The following ADAM17 variants were observed in gnomAD, a reference collection of about 807,000 sequenced individuals.
ADAM17 encodes the protein disintegrin and metalloproteinase domain-containing protein 17.
ADAM17 carries 39 observed loss-of-function variants against 96.7 expected under a neutral mutation model. The ratio of observed to expected loss-of-function variants is 0.40; its 90% confidence interval spans 0.31 to 0.53. ADAM17 has a LOEUF of 0.53. Ranked by LOEUF, ADAM17 falls within the 20% of genes least tolerant of loss-of-function variation. ADAM17 has a pLI of 0.44. For missense variants in ADAM17, 777 were observed against 1,013.2 expected (o/e 0.77, Z 3.17); for synonymous variants, 344 against 359.2 (o/e 0.96, Z 0.48).
chr2:9,494,498 A>T, intron 15 of ADAM17, 139 bp downstream of exon 15: 1 of 965,376 alleles, frequency 1.0e-6, no homozygotes, highest in South Asian at 1.7e-5. Flanking sequence ...CCTCCTAAGT[A>T]ATACCCGTAG....
At chr2:9,526,717 A>G (rs1664545360) in intron 5 of ADAM17, among the ~76,000 whole-genome samples, 1 of 152,126 alleles carries the variant, frequency 6.6e-6, no homozygotes, top group South Asian at 2.1e-4. Flanking sequence ...AATCACTTCA[A>G]CCCAGGGTGC....
intron 4 of ADAM17, 90 bp downstream of exon 4, chr2:9,535,744 G>A (rs1250906530): frequency 8.1e-6 from 6 of 742,900 alleles, no homozygotes; most frequent in Non-Finnish European, 1.3e-5. Flanking sequence ...AAAGAAATAA[G>A]TATAATTACT....
intron 17 of ADAM17, among the ~76,000 whole-genome samples, chr2:9,491,624 C>T (rs1289879701): frequency 1.2e-4 from 18 of 152,208 alleles, no homozygotes; most frequent in Non-Finnish European, 1.5e-5. Context: ...TTCTGTGGAC[C>T]ATGCTCTGCT....
chr2:9,549,856 CAAATTGCATTTTCCTAA>C (rs1319024230), intron 1 of ADAM17, among the ~76,000 whole-genome samples: 1 of 152,086 alleles, frequency 6.6e-6, no homozygotes, highest in Non-Finnish European at 1.5e-5. Flanking sequence ...ATTTTTTCAG[CAAATTGCATTTTCCTAA>C]AATACTACTT....
rs749950472 is a variant in ADAM17 at position 9,555,717 on chromosome 2, T to C, written c.-112A>G. The stretch of plus-strand genomic sequence containing the variant: ...GGATCCGCCCGGCCTAGCCCCTCAA[T>C]CCTCTTTTCCCTCCCGCGCCGCCTA... On this transcript the variant is annotated 5_prime_UTR_variant, in exon 1 of 19. Transcript: ENST00000310823. 5.7e-6 allele frequency: 5 copies of C among 881,880 alleles called. No individual in the cohort carries two copies. The highest frequency in any genetic ancestry group is 8.1e-6 in the Non-Finnish European group (5 of 614,154). The allele number at this position is 881,880 out of a possible 1,614,324, so 54.6% of individuals were successfully genotyped here. A position where few individuals can be genotyped will look rare whatever the true frequency, so the allele number is the denominator to read the frequency against.
chr2:9,498,382 G>A (rs1662774479), intron 13 of ADAM17, among the ~76,000 whole-genome samples: 1 of 152,152 alleles, frequency 6.6e-6, no homozygotes, highest in Non-Finnish European at 1.5e-5. Context: ...GGAGAGACAG[G>A]ATGGAATGAG....
At chr2:9,514,356 G>A (rs1359230165) in intron 10 of ADAM17, among the ~76,000 whole-genome samples, 5 of 96,906 alleles carry the variant, frequency 5.2e-5, no homozygotes, top group African/African-American at 1.6e-4. Flanking sequence ...GGTGCCTGTC[G>A]TGGGGTGGGG....
rs185785197 is a variant in ADAM17, at chr2:9,522,571, A to C, written c.843+678T>G. On this transcript the variant is annotated intron_variant, in intron 7 of 18. Transcript: ENST00000310823. ...ATTTTTAAAAATTTTTTCAACCTCT[A>C]AATTCTATACTATATAACTTATAAA... The C allele has an allele frequency of 2.5e-4, 118 of 464,040 alleles. 2 individuals are homozygous for C. Among genetic ancestry groups the C allele is most frequent in the African/African-American group, 2.0e-3 (102 of 51,618 alleles). The allele number at this position is 464,040 out of a possible 1,614,324, so 28.7% of individuals were successfully genotyped here.
chr2:9,514,491 T>C (rs1297267115), intron 10 of ADAM17, among the ~76,000 whole-genome samples: 2 of 133,710 alleles, frequency 1.5e-5, no homozygotes, highest in Non-Finnish European at 3.1e-5. Context: ...TGTGCACATG[T>C]ATCCTAGAAC....
At chr2:9,527,274 A>G (rs551539340) in intron 5 of ADAM17, among the ~76,000 whole-genome samples, 1 of 143,396 alleles carries the variant, frequency 7.0e-6, no homozygotes, top group Admixed American at 7.0e-5. Context: ...GTGAGCCGAG[A>G]TCGCGCTGCA....
chr2:9,525,965 A>G (rs540639932), intron 6 of ADAM17, 146 bp downstream of exon 6: 3 of 813,756 alleles, frequency 3.7e-6, no homozygotes, highest in South Asian at 3.0e-5. Context: ...ATTTCCATAC[A>G]GTAACATAAA....
intron 10 of ADAM17, 40 bp from the exon 11 acceptor site, chr2:9,510,171 C>T: frequency 1.9e-6 from 3 of 1,608,740 alleles, no homozygotes; most frequent in Non-Finnish European, 2.5e-6. Context: ...TCTCAATATC[C>T]AGCCATCACC....
chr2:9,533,460 T>C (rs1316842855), intron 4 of ADAM17, among the ~76,000 whole-genome samples: 2 of 152,050 alleles, frequency 1.3e-5, no homozygotes, highest in East Asian at 1.9e-4. Context: ...GGCAGGAGAA[T>C]GGCTTGAACC....
At chr2:9,528,747 C>T (rs1014299095) in intron 4 of ADAM17, among the ~76,000 whole-genome samples, 4 of 152,138 alleles carry the variant, frequency 2.6e-5, no homozygotes, top group Admixed American at 2.6e-4. Context: ...GGGAAAAAAA[C>T]CCCCACAATG....
intron 16 of ADAM17, 24 bp downstream of exon 16, chr2:9,493,723 A>T (rs981822482): frequency 1.3e-6 from 2 of 1,599,860 alleles, no homozygotes; most frequent in Non-Finnish European, 1.7e-6. Flanking sequence ...AGCTCTCAGT[A>T]AGTAATCTGG....
At chr2:9,553,941 A>T (rs565355211) in intron 1 of ADAM17, among the ~76,000 whole-genome samples, 14 of 152,030 alleles carry the variant, frequency 9.2e-5, no homozygotes, top group African/African-American at 3.4e-4. Context: ...ACATGCCTGT[A>T]ATCCCAGCTA....
At chr2:9,494,840 C>T (rs921950321) in intron 14 of ADAM17, 73 bp from the exon 15 acceptor site, 9 of 1,562,648 alleles carry the variant, frequency 5.8e-6, no homozygotes, top group African/African-American at 4.1e-5. Context: ...CTCTTTCCTC[C>T]CTGACCATGC....
At chr2:9,532,762 A>G (rs1664801408) in intron 4 of ADAM17, among the ~76,000 whole-genome samples, 1 of 151,392 alleles carries the variant, frequency 6.6e-6, no homozygotes, top group Non-Finnish European at 1.5e-5. Flanking sequence ...TGCTGATTAC[A>G]AGTGTGAGCC....
chr2:9,491,286 A>AGAT, intron 17 of ADAM17, 135 bp from the exon 18 acceptor site: 1 of 710,254 alleles, frequency 1.4e-6, no homozygotes, highest in East Asian at 2.8e-5. Flanking sequence ...CAGGCTCAAC[A>AGAT]GATGACAATC....
Sources: allele counts gnomAD v4.1 joint callset (sites outside exome capture counted in the v4.1 genomes callset), GRCh38; gene constraint gnomAD v4.1.1; transcripts MANE v1.5; gene names NCBI Gene and HGNC (gene_info 2026-07-23, HGNC 2026-07-21).